Variants in TNKS2 observed in about 807,000 individuals in gnomAD.
TNKS2 encodes the protein tankyrase 2.
TNKS2 carries 72 observed loss-of-function variants against 137.6 expected under a neutral mutation model. The observed-to-expected ratio is 0.52, with a 90% CI of 0.43 to 0.64. The LOEUF (loss-of-function observed/expected upper bound fraction) is 0.64. Among genes scored for constraint, TNKS2 ranks in the 30% least tolerant of loss-of-function variants. The pLI is 0.00. For synonymous variants in TNKS2, 516 were observed against 512.1 expected, an observed-to-expected ratio of 1.01 and a Z score of -0.10; for missense variants, 1,049 against 1,410.2, an observed-to-expected ratio of 0.74 and a Z score of 4.10.
In TNKS2 at chr10:91,851,220, C is replaced by G; in HGVS notation, c.2699C>G (p.Thr900Ser). Reference protein sequence around the residue: ...LMDIFEREQITLDVLVEMGHK... With the variant: ...LMDIFEREQISLDVLVEMGHK... The stretch of plus-strand genomic sequence containing the variant: ...AGTTTCCTCCTCTTTTGTAAGATCA[C>G]TTTGGATGTATTAGTTGAGATGGGG... The change falls in exon 21 of 27, where the codon ACT becomes AGT. Residue 900 changes from threonine (T) to serine (S), a missense_variant. By Grantham distance (58) the Thr-to-Ser change is moderately conservative. Around this residue, in one of 6 missense-constraint regions of TNKS2, gnomAD observed 208 missense variants for 231.2 expected, o/e 0.90. Coordinates refer to ENST00000371627, the MANE Select transcript of TNKS2 (RefSeq NM_025235.4). 6.2e-7 allele frequency: 1 copy of G among 1,613,388 alleles called. No individual in the cohort carries two copies. The highest frequency in any genetic ancestry group is 2.2e-5 in the East Asian group (1 of 44,788).
chr10:91,832,693 C>T (rs1841850539), intron 11 of TNKS2, among the ~76,000 whole-genome samples: 1 of 152,078 alleles, frequency 6.6e-6, no homozygotes, highest in African/African-American at 2.4e-5. Context: ...TCTCAAAACA[C>T]ACTAGTGTCC....
chr10:91,847,365 T>G, intron 18 of TNKS2, among the ~76,000 whole-genome samples: 1 of 152,050 alleles, frequency 6.6e-6, no homozygotes, highest in Non-Finnish European at 1.5e-5. Context: ...TTAATTTTTA[T>G]TTATTATTAT....
chr10:91,814,413 G>T lies in TNKS2; in HGVS notation c.424+1206G>T, dbSNP rs181325202. Among the ~76,000 whole-genome samples, 35 of 152,264 alleles carry T rather than the reference G, an allele frequency of 2.3e-4. 1 individual carries two copies. The East Asian group carries it at 6.8e-3, about 29-fold the overall frequency. ...AAATTTCTAATGTGAAAAGGTTACA[G>T]TAAGCTAAAGTTAATTATTGAAGAA... On this transcript the variant is annotated intron_variant, in intron 2 of 26. Coordinates refer to ENST00000371627, the MANE Select transcript of TNKS2 (RefSeq NM_025235.4).
chr10:91,841,573 C>T, intron 15 of TNKS2, 125 bp downstream of exon 15: 1 of 591,404 alleles, frequency 1.7e-6, no homozygotes, highest in African/African-American at 1.9e-5. Context: ...AATTCTGTAC[C>T]TAGATTTTAG....
At chr10:91,828,927 G>GA (rs1405404601) in intron 9 of TNKS2, among the ~76,000 whole-genome samples, 1 of 151,838 alleles carries the variant, frequency 6.6e-6, no homozygotes, top group Non-Finnish European at 1.5e-5. Flanking sequence ...GAAGTCTAAC[G>GA]AAAAACAGAA....
intron 6 of TNKS2, among the ~76,000 whole-genome samples, chr10:91,820,376 G>A (rs1285799863): frequency 2.0e-5 from 3 of 152,224 alleles, no homozygotes; most frequent in Admixed American, 2.0e-4. Context: ...TCAGAATGAG[G>A]TGTGACTTGA....
intron 3 of TNKS2, among the ~76,000 whole-genome samples, chr10:91,818,858 A>G (rs1418990944): frequency 6.6e-6 from 1 of 152,168 alleles, no homozygotes; most frequent in Non-Finnish European, 1.5e-5. Flanking sequence ...ACAAAGTTGT[A>G]GATACATTTT....
intron 7 of TNKS2, among the ~76,000 whole-genome samples, chr10:91,825,239 A>G (rs1845030993): frequency 6.6e-6 from 1 of 152,060 alleles, no homozygotes; most frequent in Non-Finnish European, 1.5e-5. Context: ...AGTAGCTAAA[A>G]TTACAGGTGT....
chr10:91,850,199 T>TTCC (rs1311418480), intron 20 of TNKS2, among the ~76,000 whole-genome samples: 2 of 149,658 alleles, frequency 1.3e-5, no homozygotes, highest in African/African-American at 2.5e-5. Context: ...AACCCCCGTC[T>TTCC]CTACTAAAAA....
At chr10:91,851,189 CT>C in intron 20 of TNKS2, 26 bp from the exon 21 acceptor site, 1 of 1,611,624 alleles carries the variant, frequency 6.2e-7, no homozygotes, top group South Asian at 1.1e-5. Context: ...AGTAAGCATT[CT>C]AAGTAGTTTC....
chr10:91,827,137 C>T lies in TNKS2; in HGVS notation c.916C>T (p.Leu306Phe). The T allele has an allele frequency of 6.2e-7, 1 of 1,606,152 alleles. No individual in the cohort carries two copies. The stretch of plus-strand genomic sequence containing the variant: ...AAGTTATGGTGCAGACCCAACACTG[C>T]TCAATTGTCACAATAAAAGTGCTAT... ...LLSYGADPTL[L>F]NCHNKSAIDL... The change falls in exon 8 of 27, where the codon CTC (leucine) becomes TTC (phenylalanine). Residue 306 changes from leucine (L) to phenylalanine (F), a missense_variant. This residue lies in a region of TNKS2 where 374 missense variants were observed against 460.8 expected (regional missense o/e 0.81). Coordinates refer to ENST00000371627, the MANE Select transcript of TNKS2 (RefSeq NM_025235.4).
chr10:91,854,945 A>T (rs1589694002), intron 21 of TNKS2, 84 bp from the exon 22 acceptor site: 1 of 725,174 alleles, frequency 1.4e-6, no homozygotes, highest in African/African-American at 1.8e-5. Flanking sequence ...AGTAAGAATC[A>T]GAAAAATTAG....
intron 1 of TNKS2, chr10:91,807,411 A>C (rs918346926): frequency 5.6e-6 from 9 of 1,613,950 alleles, no homozygotes; most frequent in Admixed American, 1.7e-5. Flanking sequence ...AGCGCGGCTG[A>C]ACTCCTCCCA....
intron 24 of TNKS2, among the ~76,000 whole-genome samples, chr10:91,858,653 G>A (rs566601179): frequency 8.5e-5 from 13 of 152,248 alleles, no homozygotes; most frequent in East Asian, 5.8e-4. Flanking sequence ...ATCTTGTATC[G>A]TAATTAATGA....
At chr10:91,858,643 A>C (rs1056397159) in intron 24 of TNKS2, among the ~76,000 whole-genome samples, 2 of 152,202 alleles carry the variant, frequency 1.3e-5, no homozygotes, top group African/African-American at 4.8e-5. Context: ...TGCAGATAGA[A>C]TCTTGTATCG....
At chr10:91,809,535 G>A (rs955652988) in intron 1 of TNKS2, among the ~76,000 whole-genome samples, 11 of 151,782 alleles carry the variant, frequency 7.2e-5, no homozygotes, top group African/African-American at 2.4e-4. Flanking sequence ...GCGTGGTGGC[G>A]GGCGCCTGTA....
intron 12 of TNKS2, among the ~76,000 whole-genome samples, chr10:91,836,019 G>C (rs1284520237): frequency 7.2e-6 from 1 of 139,504 alleles, no homozygotes; most frequent in African/African-American, 2.7e-5. Flanking sequence ...GTGTGTGTGT[G>C]TGTGTGTGTG....
At chr10:91,805,649 G>C (rs952037260) in intron 1 of TNKS2, among the ~76,000 whole-genome samples, 5 of 152,136 alleles carry the variant, frequency 3.3e-5, no homozygotes, top group African/African-American at 1.2e-4. Flanking sequence ...TCTCCTTTCT[G>C]GGGGAGTTAA....
At chr10:91,805,640 C>T (rs1426439518) in intron 1 of TNKS2, among the ~76,000 whole-genome samples, 2 of 152,208 alleles carry the variant, frequency 1.3e-5, no homozygotes, top group Non-Finnish European at 2.9e-5. Flanking sequence ...ACATCTAACT[C>T]TCCTTTCTGG....
Sources: gnomAD v4.1 joint callset for allele counts (sites outside exome capture counted in the v4.1 genomes callset) on GRCh38, gnomAD v4.1.1 for gene constraint, gnomAD v4.1.1 regional missense constraint, MANE v1.5 for transcripts, NCBI Gene and HGNC (gene_info 2026-07-23, HGNC 2026-07-21) for gene names.